DPM1: variants seen among roughly 807,000 people sequenced by gnomAD.
DPM1 encodes the protein dolichol-phosphate mannosyltransferase subunit 1.
Under a neutral mutation model 39.0 loss-of-function variants are expected in DPM1, and 27 were observed. The observed-to-expected ratio is 0.69, with a 90% CI of 0.51 to 0.95. The LOEUF (loss-of-function observed/expected upper bound fraction) is 0.95, where lower values mean the gene tolerates loss of function less well. Among genes scored for constraint, DPM1 ranks in the 40% least tolerant of loss-of-function variants. The probability of loss-of-function intolerance (pLI) is 0.00; values close to 1 mark genes in which losing one functional copy is unlikely to be tolerated. For missense variants in DPM1, 307 were observed against 315.6 expected, an observed-to-expected ratio of 0.97 and a Z score of 0.21; for synonymous variants, 124 against 109.0, an observed-to-expected ratio of 1.14 and a Z score of -0.86.
At chr20:50,946,055 T>G in intron 3 of DPM1, 132 bp from the exon 4 acceptor site, 1 of 792,704 alleles carries the variant, frequency 1.3e-6, no homozygotes, top group East Asian at 2.6e-5. Flanking sequence ...TAAATTGGTA[T>G]TTTTCACCTT....
At chr20:50,936,936 C>T (rs952448640) in intron 7 of DPM1, among the ~76,000 whole-genome samples, 1 of 152,082 alleles carries the variant, frequency 6.6e-6, no homozygotes, top group Non-Finnish European at 1.5e-5. Flanking sequence ...GACTGCAGGC[C>T]AAACACCAGA....
At chr20:50,943,864 C>A (rs553618575) in intron 5 of DPM1, among the ~76,000 whole-genome samples, 2 of 151,886 alleles carry the variant, frequency 1.3e-5, no homozygotes, top group Non-Finnish European at 2.9e-5. Context: ...CTCAGCCTCC[C>A]GAGTAGCTGG....
intron 7 of DPM1, among the ~76,000 whole-genome samples, chr20:50,940,089 TG>T (rs1985591063): frequency 5.2e-5 from 2 of 38,700 alleles, no homozygotes; most frequent in African/African-American, 3.4e-4. Flanking sequence ...TCCTAATTTG[TG>T]TGTGTGTGTG....
chr20:50,950,871 AAAAC>A (rs138746394), intron 2 of DPM1, among the ~76,000 whole-genome samples: 7,542 of 151,852 alleles, frequency 0.05, 627 homozygotes, highest in African/African-American at 0.17. Context: ...TCCGTCTCAA[AAAAC>A]AAACAAACAA....
chr20:50,949,227 ACTCT>A (rs1436452929), intron 2 of DPM1, among the ~76,000 whole-genome samples: 5 of 151,770 alleles, frequency 3.3e-5, no homozygotes, highest in African/African-American at 1.2e-4. Flanking sequence ...GGTGTCACTC[ACTCT>A]ATTTTAAATA....
At chr20:50,958,342 G>T in intron 1 of DPM1, 21 bp downstream of exon 1, 1 of 1,611,714 alleles carries the variant, frequency 6.2e-7, no homozygotes, top group South Asian at 1.1e-5. Flanking sequence ...ATTCTTCGGG[G>T]AGGGAGACCT....
At chr20:50,945,707 T>C in intron 5 of DPM1, 30 bp downstream of exon 5, 1 of 1,518,002 alleles carries the variant, frequency 6.6e-7, no homozygotes, top group Non-Finnish European at 9.1e-7. Flanking sequence ...TCCAGTCATA[T>C]TTCTTTCAAA....
At chr20:50,950,089 T>A (rs921501370) in intron 2 of DPM1, among the ~76,000 whole-genome samples, 9 of 152,214 alleles carry the variant, frequency 5.9e-5, no homozygotes, top group Non-Finnish European at 7.3e-5. Flanking sequence ...CTATTATGCT[T>A]TGATTCCTTA....
At chr20:50,956,458 G>A (rs185260789) in intron 1 of DPM1, among the ~76,000 whole-genome samples, 1 of 151,604 alleles carries the variant, frequency 6.6e-6, no homozygotes, top group Non-Finnish European at 1.5e-5. Flanking sequence ...CCCGGGAGGC[G>A]GGGCCTGCAG....
At position 50,948,636 on chromosome 20, in the gene DPM1, C is replaced by T. The variant is rs1986416373; in HGVS notation, c.288G>A (p.Leu96=). Reference sequence around the variant, plus strand: ...AGAGATTACACGACTTACCTAGTCCCAACTTTTTCTCTCGTGGTCTTAGAA... The same window carrying T: ...AGAGATTACACGACTTACCTAGTCCTAACTTTTTCTCTCGTGGTCTTAGAA... ...RILLRPREKK[L]GLGTAYIHGM... The change falls in exon 3 of 9, where the codon TTG becomes TTA. Residue 96 remains leucine, a synonymous_variant. Coordinates refer to ENST00000371588, the MANE Select transcript of DPM1 (RefSeq NM_003859.3). 6 of 1,613,960 alleles carry T rather than the reference C, an allele frequency of 3.7e-6. No homozygotes were observed. The highest frequency in any genetic ancestry group is 4.2e-6 in the Non-Finnish European group (5 of 1,179,874).
chr20:50,948,528 A>G (rs1986410216), intron 3 of DPM1, 101 bp downstream of exon 3: 1 of 1,066,646 alleles, frequency 9.4e-7, no homozygotes, highest in South Asian at 1.2e-5. Flanking sequence ...CATCATAGGA[A>G]GTTACTGTAT....
chr20:50,953,504 G>GT (rs898677235), intron 2 of DPM1, among the ~76,000 whole-genome samples: 32 of 151,234 alleles, frequency 2.1e-4, no homozygotes, highest in African/African-American at 6.8e-4. Context: ...GATTAATACT[G>GT]TTTTTTTTTA....
At chr20:50,941,955 T>C (rs1401849170) in intron 6 of DPM1, 76 bp downstream of exon 6, 28 of 1,252,544 alleles carry the variant, frequency 2.2e-5, no homozygotes, top group Non-Finnish European at 2.9e-5. Context: ...GGCAGCATGA[T>C]AGCTAATCCA....
At chr20:50,955,356 TAA>T in intron 1 of DPM1, 71 bp from the exon 2 acceptor site, 2 of 1,086,490 alleles carry the variant, frequency 1.8e-6, no homozygotes, top group Non-Finnish European at 2.8e-6. Context: ...TAAAAATTAC[TAA>T]TTCCTTAAAA....
At chr20:50,952,638 T>G (rs1986637125) in intron 2 of DPM1, among the ~76,000 whole-genome samples, 1 of 152,222 alleles carries the variant, frequency 6.6e-6, no homozygotes, top group Non-Finnish European at 1.5e-5. Context: ...ACTGGCCATT[T>G]CTAGTTTTGG....
intron 1 of DPM1, among the ~76,000 whole-genome samples, 186 bp downstream of exon 1, chr20:50,958,177 C>T (rs1986937452): frequency 6.6e-6 from 1 of 152,190 alleles, no homozygotes; most frequent in African/African-American, 2.4e-5. Context: ...GAATGAGAAC[C>T]CAGGACACGA....
intron 1 of DPM1, among the ~76,000 whole-genome samples, chr20:50,956,006 A>G (rs922498454): frequency 6.6e-6 from 1 of 152,252 alleles, no homozygotes; most frequent in Admixed American, 6.5e-5. Flanking sequence ...AATCTGATCC[A>G]AATAGAATAA....
intron 7 of DPM1, among the ~76,000 whole-genome samples, chr20:50,937,146 T>C (rs1194046258): frequency 6.6e-6 from 1 of 152,038 alleles, no homozygotes; most frequent in East Asian, 1.9e-4. Context: ...AGAGGCAGTT[T>C]GGTGTAACTT....
chr20:50,935,843 G>A (rs911453826), intron 8 of DPM1, among the ~76,000 whole-genome samples: 47 of 152,106 alleles, frequency 3.1e-4, no homozygotes, highest in African/African-American at 1.1e-3. Context: ...CATTGGCGGT[G>A]ACAAAAGGAA....
Sources: gnomAD v4.1 joint callset for allele counts (sites outside exome capture counted in the v4.1 genomes callset) on GRCh38, gnomAD v4.1.1 for gene constraint, MANE v1.5 for transcripts, NCBI Gene and HGNC (gene_info 2026-07-23, HGNC 2026-07-21) for gene names.